SYNC: variants seen among roughly 807,000 people sequenced by gnomAD.
SYNC encodes the protein syncoilin.
In SYNC, 38 loss-of-function variants were observed where a neutral mutation model predicts 49.5. The ratio of observed to expected loss-of-function variants is 0.77; its 90% confidence interval spans 0.59 to 1.01. SYNC has a LOEUF of 1.01. Among genes scored for constraint, SYNC ranks in the 50% least tolerant of loss-of-function variants. The pLI is 0.00. For synonymous variants in SYNC, 201 were observed against 230.8 expected, an observed-to-expected ratio of 0.87 and a Z score of 1.17; for missense variants, 579 against 580.6, an observed-to-expected ratio of 1.00 and a Z score of 0.03.
intron 2 of SYNC, among the ~76,000 whole-genome samples, chr1:32,686,732 A>G (rs1459603842): frequency 6.6e-6 from 1 of 152,156 alleles, no homozygotes; most frequent in South Asian, 2.1e-4. Context: ...TTGCAACCCT[A>G]TGGATATGGG....
chr1:32,686,019 A>G (rs76037193), intron 2 of SYNC: 5 of 152,320 alleles, frequency 3.3e-5, no homozygotes, highest in African/African-American at 1.2e-4. Context: ...GCCCTGGACT[A>G]CTAGTACCGA....
chr1:32,691,199 CAG>C (rs1557873526), intron 2 of SYNC, among the ~76,000 whole-genome samples: 1 of 143,054 alleles, frequency 7.0e-6, no homozygotes, highest in East Asian at 2.3e-4. Context: ...GCCTGGGTGA[CAG>C]AGCGAGACTC....
intron 2 of SYNC, among the ~76,000 whole-genome samples, chr1:32,692,369 A>G (rs1450758500): frequency 6.6e-6 from 1 of 152,244 alleles, no homozygotes; most frequent in Non-Finnish European, 1.5e-5. Context: ...TAAGGATAGT[A>G]TTGATGCTAA....
In SYNC at chr1:32,691,237, CAAA is replaced by C. The variant is rs767470701; in HGVS notation, c.1233+3625_1233+3627del. Among the ~76,000 whole-genome samples, 114 of 142,286 alleles carry C rather than the reference CAAA, an allele frequency of 8.0e-4. 1 individual carries two copies. The highest frequency in any genetic ancestry group is 1.4e-3 in the East Asian group (6 of 4,420). 93.3% of individuals were successfully genotyped at this position (142,286 alleles called of 152,430 possible). A position where few individuals can be genotyped will look rare whatever the true frequency, so the allele number is the denominator to read the frequency against. ...CTTCTCAAAAAACAAAAAAAAACAA[CAAA>C]AAAAATTTGCCAGGCGTGGCACTGT... On this transcript the variant is annotated intron_variant, in intron 2 of 4. Coordinates refer to ENST00000409190, the MANE Select transcript of SYNC (RefSeq NM_030786.3).
At chr1:32,685,369 C>G (rs1649752742) in intron 2 of SYNC, 1 of 152,180 alleles carries the variant, frequency 6.6e-6, no homozygotes, top group Admixed American at 6.5e-5. Context: ...TACCTGCTAG[C>G]TGGCATGGAT....
rs372285843 is a variant in SYNC at position 32,680,357 on chromosome 1, GTTT to G, written c.*1490_*1492del. ...AATGGTGTTTTTTTTTTTGTTGTTG[GTTT>G]TTTTTTTTTTTTTTTTAACTTGGGA... On this transcript the variant is annotated 3_prime_UTR_variant, in exon 5 of 5. Transcript: ENST00000409190. 1,753 of 978,204 alleles carry G rather than the reference GTTT, an allele frequency of 1.8e-3. No individual in the cohort carries two copies. The highest frequency in any genetic ancestry group is 8.9e-3 in the East Asian group (131 of 14,656). 60.6% of individuals were successfully genotyped at this position (978,204 alleles called of 1,614,324 possible). A position where few individuals can be genotyped will look rare whatever the true frequency, so the allele number is the denominator to read the frequency against.
At chr1:32,701,406 C>G (rs1650664152) in intron 1 of SYNC, among the ~76,000 whole-genome samples, 1 of 152,158 alleles carries the variant, frequency 6.6e-6, no homozygotes, top group South Asian at 2.1e-4. Flanking sequence ...AGTGAGTTTC[C>G]TAAGGACAAG....
At chr1:32,691,106 T>A (rs1204914289) in intron 2 of SYNC, among the ~76,000 whole-genome samples, 2 of 151,996 alleles carry the variant, frequency 1.3e-5, no homozygotes, top group Non-Finnish European at 2.9e-5. Context: ...TAGTCCCAGC[T>A]ACTCGGGAGG....
At chr1:32,688,497 G>A (rs1650001410) in intron 2 of SYNC, among the ~76,000 whole-genome samples, 1 of 152,134 alleles carries the variant, frequency 6.6e-6, no homozygotes, top group South Asian at 2.1e-4. Flanking sequence ...TTTAATTGAT[G>A]CCAAGACTGC....
Position 32,702,536 on chromosome 1 carries a change from G to T in SYNC, c.53+72C>A, listed in dbSNP as rs1650707100. 5.0e-6 allele frequency: 6 copies of T among 1,198,104 alleles called. No homozygotes were observed. Among genetic ancestry groups the T allele is most frequent in the Non-Finnish European group, 5.2e-6 (5 of 962,690 alleles). The allele number at this position is 1,198,104 out of a possible 1,614,324, so 74.2% of individuals were successfully genotyped here. A position where few individuals can be genotyped will look rare whatever the true frequency, so the allele number is the denominator to read the frequency against. On this transcript the variant is annotated intron_variant, in intron 1 of 4. Coordinates refer to ENST00000409190, the MANE Select transcript of SYNC (RefSeq NM_030786.3). This position sits in a 1 kb window ranked among gnomAD's most constrained non-coding sequence, Gnocchi z 6.2. ...GACAGGCGAAAGACGCCCGCGGTCG[G>T]GGGGAAAGGGAACCCGTCCAGCAGC...
chr1:32,688,821 T>C (rs928902433), intron 2 of SYNC, among the ~76,000 whole-genome samples: 2 of 151,900 alleles, frequency 1.3e-5, no homozygotes, highest in African/African-American at 4.8e-5. Context: ...GACCTCATGA[T>C]CCACTCGCCT....
At chr1:32,694,154 A>G (rs558455089) in intron 2 of SYNC, among the ~76,000 whole-genome samples, 1 of 152,174 alleles carries the variant, frequency 6.6e-6, no homozygotes, top group East Asian at 1.9e-4. Context: ...CTTGAGCCCA[A>G]GAGGTTTGAG....
At chr1:32,681,884 T>G in intron 4 of SYNC, 24 bp from the exon 5 acceptor site, 1 of 1,607,560 alleles carries the variant, frequency 6.2e-7, no homozygotes, top group Non-Finnish European at 8.5e-7. Flanking sequence ...AGAAAAAGTT[T>G]ATAACAGTGA....
chr1:32,697,630 G>A (rs1486056194), intron 1 of SYNC, among the ~76,000 whole-genome samples: 1 of 151,586 alleles, frequency 6.6e-6, no homozygotes, highest in Non-Finnish European at 1.5e-5. Context: ...CCAGATACTT[G>A]GGAGGCTGTG....
Position 32,684,018 on chromosome 1 carries a change from T to G in SYNC, c.1430A>C (p.Gln477Pro). ...CTCTTCACAAAGATCACCTTGAGAC[T>G]GTGTCTCCATTCCACCTGCCTGAGA... is the stretch of plus-strand genomic sequence containing the variant. ...PTSQAGGMETQSQGAV is the reference protein window; with the variant it reads ...PTSQAGGMETPSQGAV The change falls in exon 4 of 5, where the codon CAG becomes CCG. Residue 477 changes from glutamine (Q) to proline (P), a missense_variant. By Grantham distance (76) the Gln-to-Pro change is moderately conservative. Transcript: ENST00000409190. The G allele has an allele frequency of 1.9e-6, 3 of 1,614,050 alleles. No individual in the cohort carries two copies. The highest frequency in any genetic ancestry group is 2.5e-6 in the Non-Finnish European group (3 of 1,179,888).
At chr1:32,696,916 T>A (rs1414023422) in intron 1 of SYNC, among the ~76,000 whole-genome samples, 9 of 151,484 alleles carry the variant, frequency 5.9e-5, no homozygotes, top group Non-Finnish European at 1.3e-4. Context: ...CTCAGCTGAT[T>A]TTTGTATTTT....
intron 2 of SYNC, among the ~76,000 whole-genome samples, chr1:32,694,549 A>G (rs360043): frequency 0.97 from 147,893 of 151,978 alleles, 72,092 homozygotes; most frequent in East Asian, 1. Context: ...AGCTACTCAG[A>G]AGGCTGAGGC....
intron 2 of SYNC, among the ~76,000 whole-genome samples, chr1:32,686,493 A>C (rs1649840070): frequency 6.6e-6 from 1 of 152,214 alleles, no homozygotes; most frequent in South Asian, 2.1e-4. Flanking sequence ...AAGACAAAGA[A>C]AGGATACATT....
chr1:32,701,358 G>C (rs1650662645), intron 1 of SYNC, among the ~76,000 whole-genome samples: 1 of 152,120 alleles, frequency 6.6e-6, no homozygotes, highest in Non-Finnish European at 1.5e-5. Flanking sequence ...CACACTTATT[G>C]CTCCAGTTAC....
Sources: gnomAD v4.1 joint callset for allele counts (sites outside exome capture counted in the v4.1 genomes callset) on GRCh38, gnomAD v4.1.1 for gene constraint, Gnocchi (gnomAD v3.1) non-coding constraint, MANE v1.5 for transcripts, NCBI Gene and HGNC (gene_info 2026-07-23, HGNC 2026-07-21) for gene names.